Variants in ZNF609 observed in about 807,000 individuals in gnomAD.
ZNF609 encodes zinc finger protein 609.
A neutral mutation model predicts 109.5 loss-of-function variants in ZNF609; 11 were observed. The ratio of observed to expected loss-of-function variants is 0.10; its 90% CI spans 0.06 to 0.17. The LOEUF is 0.17. Ranked by LOEUF, ZNF609 falls within the 10% of genes least tolerant of loss-of-function variation. The probability of loss-of-function intolerance (pLI) is 1.00; values close to 1 mark genes in which losing one functional copy is unlikely to be tolerated. For synonymous variants in ZNF609, 646 were observed against 662.0 expected (o/e 0.98, Z 0.37); for missense variants, 1,559 against 1,772.4 (o/e 0.88, Z 2.16).
chr15:64,656,799 C>T (rs1394273217), intron 3 of ZNF609, among the ~76,000 whole-genome samples: 1 of 151,676 alleles, frequency 6.6e-6, no homozygotes, highest in African/African-American at 2.4e-5. Context: ...TTCCTCCCTT[C>T]CTCTTTCTTT....
chr15:64,484,777 C>A, intron 1 of ZNF609, among the ~76,000 whole-genome samples: 1 of 149,976 alleles, frequency 6.7e-6, no homozygotes, highest in Non-Finnish European at 1.5e-5. Context: ...AGATCGAGAC[C>A]ATCCTGGCCA....
chr15:64,598,738 GTGTGTATA>G (rs1175927743), intron 2 of ZNF609, among the ~76,000 whole-genome samples: 1 of 71,110 alleles, frequency 1.4e-5, no homozygotes, highest in African/African-American at 5.6e-5. Flanking sequence ...ACATCTTTGT[GTGTGTATA>G]TATATATATA....
intron 2 of ZNF609, among the ~76,000 whole-genome samples, chr15:64,512,325 C>G (rs1286763858): frequency 6.6e-6 from 1 of 152,020 alleles, no homozygotes; most frequent in Non-Finnish European, 1.5e-5. Flanking sequence ...ATATATTTGC[C>G]ACATATAGGC....
intron 1 of ZNF609, among the ~76,000 whole-genome samples, chr15:64,484,835 A>G (rs537002818): frequency 7.1e-4 from 94 of 131,752 alleles, no homozygotes; most frequent in Middle Eastern, 6.0e-3. Flanking sequence ...TTAGCTGGGC[A>G]TGGTGGCGCT....
At chr15:64,584,418 A>C (rs1895161550) in intron 2 of ZNF609, among the ~76,000 whole-genome samples, 1 of 152,036 alleles carries the variant, frequency 6.6e-6, no homozygotes, top group Non-Finnish European at 1.5e-5. Flanking sequence ...CTGCCACCTC[A>C]GCCTCCCAAG....
Position 64,673,620 on chromosome 15 carries a change from C to T in ZNF609, c.1062-296C>T, listed in dbSNP as rs532508136. Among the ~76,000 whole-genome samples, 26 of 152,298 alleles carry T rather than the reference C, an allele frequency of 1.7e-4. 1 individual carries two copies. The South Asian group carries it at 5.4e-3, about 32-fold the overall frequency. ...GCCTGGCCTCAATTTCCTGTATGAT[C>T]TCTAACATCTTTTCTGAAACCATGA... On this transcript the variant is annotated intron_variant, in intron 4 of 9. Transcript: ENST00000326648.
In ZNF609 at chr15:64,683,982, T is replaced by A. The variant is rs2083226619; in HGVS notation, c.*2296T>A. 6.6e-6 allele frequency: 1 copy of A among 152,264 alleles called. No individual in the cohort carries two copies. The highest frequency in any genetic ancestry group is 2.4e-5 in the African/African-American group (1 of 41,456). 9.4% of individuals were successfully genotyped at this position (152,264 alleles called of 1,614,324 possible). A position where few individuals can be genotyped will look rare whatever the true frequency, so the allele number is the denominator to read the frequency against. ...GAGAACAGGTTTTTCTTTTCCTTTT[T>A]AATTTTTCTTCTTAAACATTTGGCT... is the stretch of plus-strand genomic sequence containing the variant. On this transcript the variant is annotated 3_prime_UTR_variant, in exon 10 of 10. Coordinates refer to ENST00000326648, the MANE Select transcript of ZNF609 (RefSeq NM_015042.2).
chr15:64,680,567 G>A, intron 7 of ZNF609, 79 bp from the exon 8 acceptor site: 1 of 1,257,438 alleles, frequency 8.0e-7, no homozygotes, highest in Non-Finnish European at 1.1e-6. Context: ...TCACTTGTGT[G>A]TGTGTGTGTG....
chr15:64,488,830 T>C (rs550658476), intron 1 of ZNF609, among the ~76,000 whole-genome samples: 2 of 151,980 alleles, frequency 1.3e-5, no homozygotes, highest in South Asian at 2.1e-4. Context: ...TCCAGCACTT[T>C]GGGAGGCCAA....
At chr15:64,653,494 A>C (rs930452562) in intron 3 of ZNF609, among the ~76,000 whole-genome samples, 96 of 152,244 alleles carry the variant, frequency 6.3e-4, no homozygotes, top group African/African-American at 2.2e-3. Flanking sequence ...AAAATACAAA[A>C]AATTAGCTGG....
At chr15:64,660,950 GTTGTTTGT>G (rs533587412) in intron 3 of ZNF609, among the ~76,000 whole-genome samples, 14 of 151,784 alleles carry the variant, frequency 9.2e-5, no homozygotes, top group African/African-American at 2.7e-4. Flanking sequence ...CTGGGTTTTT[GTTGTTTGT>G]TTGTTTGTTT....
intron 2 of ZNF609, among the ~76,000 whole-genome samples, chr15:64,579,276 A>T (rs1895054074): frequency 6.6e-6 from 1 of 151,946 alleles, no homozygotes; most frequent in East Asian, 1.9e-4. Flanking sequence ...AAGTGATGGT[A>T]CATGCATGCC....
intron 1 of ZNF609, among the ~76,000 whole-genome samples, chr15:64,485,293 A>T (rs1893316878): frequency 6.6e-6 from 1 of 152,196 alleles, no homozygotes; most frequent in Admixed American, 6.5e-5. Flanking sequence ...GAACATATAG[A>T]CTTGATCACC....
chr15:64,535,509 T>C (rs1894127584), intron 2 of ZNF609, among the ~76,000 whole-genome samples: 1 of 152,206 alleles, frequency 6.6e-6, no homozygotes, highest in African/African-American at 2.4e-5. Context: ...CACAGTTTGT[T>C]TTACCATATA....
In ZNF609 at chr15:64,678,937, C is replaced by T. The variant is rs1398923161; in HGVS notation, c.3769+455C>T. On this transcript the variant is annotated intron_variant, in intron 6 of 9. Coordinates refer to ENST00000326648, the MANE Select transcript of ZNF609 (RefSeq NM_015042.2). Reference sequence around the variant, plus strand: ...CACAAAGAACAAATAAAATGCAAACCATAACAATGCATGGATTCAGTTGCC... The same window carrying T: ...CACAAAGAACAAATAAAATGCAAACTATAACAATGCATGGATTCAGTTGCC... 5.9e-5 allele frequency among the ~76,000 whole-genome samples: 9 copies of T among 152,290 alleles called. No individual in the cohort carries two copies. The East Asian group carries it at 1.3e-3, about 23-fold the overall frequency.
chr15:64,492,001 G>A (rs927468205), intron 1 of ZNF609, among the ~76,000 whole-genome samples: 1 of 152,132 alleles, frequency 6.6e-6, no homozygotes, highest in Non-Finnish European at 1.5e-5. Flanking sequence ...TAGCACTTTA[G>A]AAGGCCAACA....
At chr15:64,489,528 CTTTTTTT>C (rs10577073) in intron 1 of ZNF609, among the ~76,000 whole-genome samples, 1 of 113,674 alleles carries the variant, frequency 8.8e-6, no homozygotes. Flanking sequence ...CCATTATTCA[CTTTTTTT>C]TTTTTTTTTT....
chr15:64,647,516 T>G (rs903521261), intron 3 of ZNF609, among the ~76,000 whole-genome samples: 8 of 152,160 alleles, frequency 5.3e-5, no homozygotes, highest in Non-Finnish European at 1.0e-4. Flanking sequence ...TTTTGTTGCT[T>G]CTTTTATTTT....
At chr15:64,668,017 G>A (rs796258501) in intron 3 of ZNF609, among the ~76,000 whole-genome samples, 1 of 152,174 alleles carries the variant, frequency 6.6e-6, no homozygotes. Context: ...TAGAATAGAA[G>A]TGTGATATCC....
Sources: allele counts gnomAD v4.1 joint callset (sites outside exome capture counted in the v4.1 genomes callset), GRCh38; gene constraint gnomAD v4.1.1; transcripts MANE v1.5; gene names NCBI Gene and HGNC (gene_info 2026-07-23, HGNC 2026-07-21).